The following ZNF423 variants were observed in gnomAD, a reference collection of about 807,000 sequenced individuals.
The protein encoded by ZNF423 is Ebf-associated zinc finger protein.
Under a neutral mutation model 95.8 loss-of-function variants are expected in ZNF423, and 12 were observed. That is an observed-to-expected ratio of 0.13 (90% CI 0.08 to 0.20). ZNF423 has a LOEUF of 0.20. Ranked by LOEUF, ZNF423 falls within the 10% of genes least tolerant of loss-of-function variation. ZNF423 has a pLI of 1.00. For missense variants in ZNF423, 1,316 were observed against 1,737.1 expected (o/e 0.76, Z 4.31); for synonymous variants, 749 against 711.9 (o/e 1.05, Z -0.83).
chr16:49,597,670 C>T (rs770667286), intron 5 of ZNF423, among the ~76,000 whole-genome samples: 1 of 152,058 alleles, frequency 6.6e-6, no homozygotes, highest in Non-Finnish European at 1.5e-5. Flanking sequence ...CGGTGCCGTT[C>T]TCTTAGGTAC....
At chr16:49,584,518 T>C (rs1314166174) in intron 5 of ZNF423, among the ~76,000 whole-genome samples, 2 of 152,194 alleles carry the variant, frequency 1.3e-5, no homozygotes, top group Non-Finnish European at 2.9e-5. Context: ...GCTGCCATAA[T>C]GAAGAACCAC....
At chr16:49,559,886 C>A (rs949104824) in intron 5 of ZNF423, among the ~76,000 whole-genome samples, 6 of 152,190 alleles carry the variant, frequency 3.9e-5, no homozygotes, top group African/African-American at 1.2e-4. Context: ...GAGGTGCAAA[C>A]GGTACCACTG....
chr16:49,500,273 C>T (rs1967341959), intron 7 of ZNF423, among the ~76,000 whole-genome samples: 1 of 152,152 alleles, frequency 6.6e-6, no homozygotes, highest in East Asian at 1.9e-4. Flanking sequence ...TACCTAGCAG[C>T]AGATTCAGGA....
At position 49,814,223 on chromosome 16, in the gene ZNF423, C is replaced by T. The variant is rs186610762; in HGVS notation, c.41-24677G>A. ...TCCAGACGGGGCCTGTAATACTGAA[C>T]CTTTTCAGGCATCACCTGTAAAATG... is the stretch of plus-strand genomic sequence containing the variant. On this transcript the variant is annotated intron_variant, in intron 1 of 7. Transcript: ENST00000563137. 6.1e-4 allele frequency among the ~76,000 whole-genome samples: 92 copies of T among 151,422 alleles called. 2 individuals carry two copies. The highest frequency in any genetic ancestry group is 2.2e-3 in the African/African-American group (92 of 41,562).
chr16:49,498,524 C>T (rs1357482340), intron 7 of ZNF423, among the ~76,000 whole-genome samples: 4 of 152,146 alleles, frequency 2.6e-5, no homozygotes, highest in African/African-American at 9.7e-5. Flanking sequence ...AAATCTGGGC[C>T]ATGGGGAGCC....
At chr16:49,622,457 C>T (rs1039346955) in intron 5 of ZNF423, among the ~76,000 whole-genome samples, 6 of 152,074 alleles carry the variant, frequency 3.9e-5, no homozygotes, top group African/African-American at 1.4e-4. Flanking sequence ...TAGGCAGTGG[C>T]TCATCACCCT....
intron 5 of ZNF423, among the ~76,000 whole-genome samples, chr16:49,612,210 A>G (rs548410828): frequency 5.7e-4 from 86 of 152,184 alleles, no homozygotes; most frequent in African/African-American, 1.9e-3. Context: ...AATATCCCTC[A>G]TAAACACAGA....
At chr16:49,720,118 A>G (rs1270254016) in intron 3 of ZNF423, among the ~76,000 whole-genome samples, 1 of 152,208 alleles carries the variant, frequency 6.6e-6, no homozygotes, top group Non-Finnish European at 1.5e-5. Context: ...AGGACCAAGC[A>G]GCAGAGGTTC....
intron 3 of ZNF423, among the ~76,000 whole-genome samples, chr16:49,690,692 T>G (rs540639117): frequency 1.3e-5 from 2 of 152,178 alleles, no homozygotes; most frequent in Admixed American, 6.5e-5. Flanking sequence ...TGGGTTACCA[T>G]TGGATAAACA....
At chr16:49,646,228 C>G (rs895724821) in intron 3 of ZNF423, among the ~76,000 whole-genome samples, 1 of 152,202 alleles carries the variant, frequency 6.6e-6, no homozygotes, top group African/African-American at 2.4e-5. Context: ...TCAGGGCACA[C>G]TGTAGATTGT....
At chr16:49,537,137 C>T (rs1320613908) in intron 5 of ZNF423, among the ~76,000 whole-genome samples, 1 of 152,178 alleles carries the variant, frequency 6.6e-6, no homozygotes, top group African/African-American at 2.4e-5. Context: ...GGCACTTTGC[C>T]CAAAGTGGGT....
chr16:49,583,537 A>G (rs1768096927), intron 5 of ZNF423, among the ~76,000 whole-genome samples: 1 of 152,220 alleles, frequency 6.6e-6, no homozygotes, highest in Non-Finnish European at 1.5e-5. Flanking sequence ...TTACAGATGC[A>G]TTAACCATCT....
In ZNF423 at chr16:49,568,577, T is replaced by C. The variant is rs1432566003; in HGVS notation, c.3602-43083A>G. Among the ~76,000 whole-genome samples, 3 of 152,200 alleles carry C rather than the reference T, an allele frequency of 2.0e-5. No individual in the cohort carries two copies. The East Asian group carries it at 5.8e-4, about 29-fold the overall frequency. On this transcript the variant is annotated intron_variant, in intron 5 of 7. Coordinates refer to ENST00000563137, the MANE Select transcript of ZNF423 (RefSeq NM_001379286.1). ...CCCATGGAGGGCTTTTGTCCCTTTTTGTCCCTCTGTCTGTCTCCCTTCCTG... is the reference window on the plus strand; with the variant it reads ...CCCATGGAGGGCTTTTGTCCCTTTTCGTCCCTCTGTCTGTCTCCCTTCCTG...
At chr16:49,604,132 C>T (rs8058216) in intron 5 of ZNF423, among the ~76,000 whole-genome samples, 3,748 of 152,322 alleles carry the variant, frequency 0.025, 151 homozygotes, top group African/African-American at 0.084. Context: ...CACAAGCAGG[C>T]GGCAAACAGG....
At chr16:49,773,028 C>A (rs1466075622) in intron 2 of ZNF423, among the ~76,000 whole-genome samples, 1 of 152,112 alleles carries the variant, frequency 6.6e-6, no homozygotes, top group Non-Finnish European at 1.5e-5. Flanking sequence ...CTTATAAAAC[C>A]ATCAGATTGG....
chr16:49,697,163 G>A (rs1007539217), intron 3 of ZNF423, among the ~76,000 whole-genome samples: 1 of 152,148 alleles, frequency 6.6e-6, no homozygotes, highest in Non-Finnish European at 1.5e-5. Context: ...AGGTGGGATG[G>A]AGTAGACAGG....
upstream of ZNF423, among the ~76,000 whole-genome samples, chr16:49,856,446 C>G (rs1486464346): frequency 1.4e-5 from 2 of 147,626 alleles, no homozygotes; most frequent in Non-Finnish European, 3.0e-5. Flanking sequence ...AAAAAAGAAG[C>G]CTTCGAATTA....
chr16:49,732,458 A>G (rs1392966744), intron 2 of ZNF423, among the ~76,000 whole-genome samples: 3 of 152,234 alleles, frequency 2.0e-5, no homozygotes, highest in African/African-American at 7.2e-5. Context: ...AAACAGATTT[A>G]CCCATCCGGA....
At chr16:49,612,807 C>A (rs1567503401) in intron 5 of ZNF423, among the ~76,000 whole-genome samples, 1 of 152,114 alleles carries the variant, frequency 6.6e-6, no homozygotes, top group Admixed American at 6.6e-5. Context: ...AAAATTCCTA[C>A]AACTAAGTTG....
Sources: allele counts gnomAD v4.1 joint callset (sites outside exome capture counted in the v4.1 genomes callset), GRCh38; gene constraint gnomAD v4.1.1; transcripts MANE v1.5; gene names NCBI Gene and HGNC (gene_info 2026-07-23, HGNC 2026-07-21).